Variants in SPEF2 observed in about 807,000 individuals in gnomAD.
The protein encoded by SPEF2 is sperm flagellar and cilia associated 2.
SPEF2 carries 187 observed loss-of-function variants against 224.6 expected under a neutral mutation model. The observed-to-expected ratio is 0.83, with a 90% confidence interval of 0.74 to 0.94. The LOEUF is 0.94. Among genes scored for constraint, SPEF2 ranks in the 40% least tolerant of loss-of-function variants. The probability of loss-of-function intolerance (pLI) is 0.00; values close to 1 mark genes in which losing one functional copy is unlikely to be tolerated. For synonymous variants in SPEF2, 715 were observed against 707.3 expected (o/e 1.01, Z -0.17); for missense variants, 2,170 against 2,135.6 (o/e 1.02, Z -0.32).
chr5:35,672,049 A>C (rs1751272955), intron 10 of SPEF2, among the ~76,000 whole-genome samples: 1 of 151,676 alleles, frequency 6.6e-6, no homozygotes, highest in Non-Finnish European at 1.5e-5. Context: ...ACAAGTAAAA[A>C]ATAAATGTTT....
At chr5:35,684,957 A>C (rs1352376298) in intron 10 of SPEF2, among the ~76,000 whole-genome samples, 1 of 152,186 alleles carries the variant, frequency 6.6e-6, no homozygotes, top group Non-Finnish European at 1.5e-5. Flanking sequence ...ATTACATAAA[A>C]TAATCACCAT....
intron 15 of SPEF2, 152 bp downstream of exon 15, chr5:35,697,945 T>G: frequency 1.8e-6 from 1 of 542,578 alleles, no homozygotes; most frequent in Non-Finnish European, 3.1e-6. Context: ...GGTAGATTTA[T>G]TTTGTGACTT....
intron 21 of SPEF2, among the ~76,000 whole-genome samples, chr5:35,733,788 TAAA>T (rs369958797): frequency 1.4e-5 from 2 of 147,864 alleles, no homozygotes; most frequent in African/African-American, 2.5e-5. Flanking sequence ...GTGAATTGTT[TAAA>T]AAAAAAAAAA....
intron 10 of SPEF2, among the ~76,000 whole-genome samples, chr5:35,686,756 TCTA>T (rs915996903): frequency 1.3e-5 from 2 of 152,274 alleles, no homozygotes; most frequent in Non-Finnish European, 2.9e-5. Context: ...GCCATTTTGT[TCTA>T]CTGTCAAAAT....
At chr5:35,678,127 C>T (rs987619630) in intron 10 of SPEF2, among the ~76,000 whole-genome samples, 50 of 152,332 alleles carry the variant, frequency 3.3e-4, no homozygotes, top group African/African-American at 1.2e-3. Context: ...CCTGGGTCTT[C>T]TTTTGCAATA....
At chr5:35,639,768 G>A (rs372669760) in intron 2 of SPEF2, among the ~76,000 whole-genome samples, 2 of 151,884 alleles carry the variant, frequency 1.3e-5, no homozygotes, top group African/African-American at 4.8e-5. Context: ...AAGGGAAGGA[G>A]ATAGGTAGTC....
intron 19 of SPEF2, chr5:35,710,174 A>C: frequency 1.0e-6 from 1 of 984,918 alleles, no homozygotes; most frequent in Non-Finnish European, 1.2e-6. Context: ...TGAATTAAAC[A>C]TACACCCTTT....
rs78883604 is a variant in SPEF2, at chr5:35,721,879, C to T, written c.2915-5796C>T. Among the ~76,000 whole-genome samples the T allele has an allele frequency of 6.5e-3, 991 of 152,214 alleles. 14 individuals carry two copies. Among genetic ancestry groups the T allele is most frequent in the African/African-American group, 0.023 (936 of 41,530 alleles). On this transcript the variant is annotated intron_variant, in intron 20 of 36. Coordinates refer to ENST00000356031, the MANE Select transcript of SPEF2 (RefSeq NM_024867.4). ...AACAAAGCCTTGCCAAGTGGTTATG[C>T]CCCTAGGATGTAAAGCAAGATGGAG...
chr5:35,682,218 A>G (rs1053911534), intron 10 of SPEF2, among the ~76,000 whole-genome samples: 3 of 152,298 alleles, frequency 2.0e-5, no homozygotes, highest in Admixed American at 1.3e-4. Context: ...AAAGGGCTAT[A>G]GCCTCATTTT....
Position 35,641,883 on chromosome 5 carries a change from A to G in SPEF2, c.414+200A>G, listed in dbSNP as rs1746668865. On this transcript the variant is annotated intron_variant, in intron 3 of 36. Transcript: ENST00000356031. ...TTTGATGTCTCTCTCTATCCTATCC[A>G]TATTGCCAATAGCTTATCAAACTCT... The G allele has an allele frequency of 2.3e-5, 11 of 478,000 alleles. No individual in the cohort carries two copies. In the South Asian group the frequency reaches 2.9e-4, roughly 13 times the overall value. 29.6% of individuals were successfully genotyped at this position (478,000 alleles called of 1,614,324 possible). A position where few individuals can be genotyped will look rare whatever the true frequency, so the allele number is the denominator to read the frequency against.
At chr5:35,694,398 T>C in intron 13 of SPEF2, 35 bp downstream of exon 13, 1 of 1,550,140 alleles carries the variant, frequency 6.5e-7, no homozygotes, top group Middle Eastern at 1.7e-4. Flanking sequence ...ATTATTTACA[T>C]TAGAGAGAGA....
intron 26 of SPEF2, among the ~76,000 whole-genome samples, chr5:35,770,031 G>A (rs1040201261): frequency 1.2e-4 from 8 of 65,104 alleles, no homozygotes; most frequent in African/African-American, 4.5e-4. Context: ...GTGCATGTGC[G>A]TGTGTGTGTG....
At chr5:35,723,534 C>A (rs1744141609) in intron 20 of SPEF2, among the ~76,000 whole-genome samples, 1 of 152,130 alleles carries the variant, frequency 6.6e-6, no homozygotes, top group Non-Finnish European at 1.5e-5. Flanking sequence ...CAGAAACATT[C>A]AATGATTTCT....
chr5:35,709,075 C>T lies in SPEF2; in HGVS notation c.2793C>T (p.Ser931=). 3 of 1,613,862 alleles carry T rather than the reference C, an allele frequency of 1.9e-6. No individual in the cohort carries two copies. The highest frequency in any genetic ancestry group is 8.5e-7 in the Non-Finnish European group (1 of 1,179,952). The change falls in exon 19 of 37, where the codon AGC becomes AGT. Residue 931 remains serine (S), a synonymous_variant. Transcript: ENST00000356031. The stretch of plus-strand genomic sequence containing the variant: ...AAAAAGAGAAGGAAATTCATCAAAG[C>T]CATGTGGCTTCAAAAACTCCTACTG... ...EPEKEKEIHQ[S]HVASKTPTAK... is the part of the protein sequence containing the mutation.
At chr5:35,681,421 T>C (rs1460617513) in intron 10 of SPEF2, among the ~76,000 whole-genome samples, 1 of 152,180 alleles carries the variant, frequency 6.6e-6, no homozygotes, top group Non-Finnish European at 1.5e-5. Flanking sequence ...ACTGTTAGTA[T>C]AAAATTAAGA....
chr5:35,728,485 C>T (rs1745061475), intron 21 of SPEF2, among the ~76,000 whole-genome samples: 1 of 152,144 alleles, frequency 6.6e-6, no homozygotes, highest in Non-Finnish European at 1.5e-5. Context: ...ACAAGGTCTC[C>T]TTCTCCCTCA....
chr5:35,707,151 C>T (rs1030241812), intron 18 of SPEF2, among the ~76,000 whole-genome samples: 7 of 152,038 alleles, frequency 4.6e-5, no homozygotes, highest in Non-Finnish European at 8.8e-5. Flanking sequence ...TTAAACTTTC[C>T]GACTAAGTTA....
intron 34 of SPEF2, among the ~76,000 whole-genome samples, chr5:35,805,966 T>C (rs1306027992): frequency 6.6e-6 from 1 of 152,192 alleles, no homozygotes. Context: ...ATCTTAGGTT[T>C]TCTATTTTTG....
At chr5:35,731,401 CTAT>C (rs1191549606) in intron 21 of SPEF2, among the ~76,000 whole-genome samples, 1 of 152,154 alleles carries the variant, frequency 6.6e-6, no homozygotes, top group Non-Finnish European at 1.5e-5. Context: ...CAGTACCCCT[CTAT>C]TATTCTTTAT....
Sources: gnomAD v4.1 joint callset for allele counts (sites outside exome capture counted in the v4.1 genomes callset) on GRCh38, gnomAD v4.1.1 for gene constraint, MANE v1.5 for transcripts, NCBI Gene and HGNC (gene_info 2026-07-23, HGNC 2026-07-21) for gene names.